The following CCSER1 variants were observed in gnomAD, a reference collection of about 807,000 sequenced individuals.
CCSER1 encodes the protein serine-rich coiled-coil domain-containing protein 1.
Under a neutral mutation model 82.0 loss-of-function variants are expected in CCSER1, and 41 were observed. The observed-to-expected ratio is 0.50, with a 90% CI of 0.39 to 0.65. The LOEUF is 0.65. CCSER1 is among the 30% of genes least tolerant of loss of function. CCSER1 has a pLI of 0.00. For synonymous variants in CCSER1, 414 were observed against 383.9 expected (o/e 1.08, Z -0.92); for missense variants, 1,119 against 1,064.2 (o/e 1.05, Z -0.72).
chr4:90,794,248 C>G (rs1755661313), intron 7 of CCSER1, among the ~76,000 whole-genome samples: 1 of 152,140 alleles, frequency 6.6e-6, no homozygotes, highest in African/African-American at 2.4e-5. Context: ...ATGCCTATGT[C>G]CTGAATGGTA....
chr4:91,571,816 A>C (rs1763199249), intron 10 of CCSER1, among the ~76,000 whole-genome samples: 1 of 152,252 alleles, frequency 6.6e-6, no homozygotes, highest in African/African-American at 2.4e-5. Context: ...TTGTGGGCCC[A>C]GGCCAGAGGT....
intron 10 of CCSER1, among the ~76,000 whole-genome samples, chr4:91,353,875 AC>A (rs1434728377): frequency 1.3e-5 from 2 of 152,146 alleles, no homozygotes; most frequent in Non-Finnish European, 2.9e-5. Flanking sequence ...AAACATGGCT[AC>A]AGGATTGCAT....
intron 10 of CCSER1, among the ~76,000 whole-genome samples, chr4:91,488,807 G>T (rs1758357344): frequency 6.6e-6 from 1 of 152,274 alleles, no homozygotes; most frequent in Admixed American, 6.5e-5. Flanking sequence ...AGCAGTGCTA[G>T]AATGAACTAA....
chr4:91,330,230 T>G (rs1440009129), intron 10 of CCSER1, among the ~76,000 whole-genome samples: 1 of 152,196 alleles, frequency 6.6e-6, no homozygotes, highest in Non-Finnish European at 1.5e-5. Flanking sequence ...TACATTTAAT[T>G]TTTTCTCTTA....
chr4:90,329,215 A>C (rs1196884560), intron 3 of CCSER1, among the ~76,000 whole-genome samples: 2 of 152,154 alleles, frequency 1.3e-5, no homozygotes, highest in Non-Finnish European at 2.9e-5. Flanking sequence ...AATCAAGTAC[A>C]TGGTATGATG....
At chr4:90,367,157 C>A (rs532367245) in intron 3 of CCSER1, among the ~76,000 whole-genome samples, 1 of 151,520 alleles carries the variant, frequency 6.6e-6, no homozygotes, top group Admixed American at 6.6e-5. Flanking sequence ...AGACAAGAGA[C>A]GGTAACAAAG....
intron 10 of CCSER1, among the ~76,000 whole-genome samples, chr4:91,286,309 C>T (rs1043855969): frequency 4.0e-5 from 6 of 151,720 alleles, no homozygotes; most frequent in African/African-American, 4.8e-5. Context: ...AATTTATCAA[C>T]GTTAAATTGG....
intron 7 of CCSER1, among the ~76,000 whole-genome samples, chr4:90,794,129 G>A (rs1755648421): frequency 6.6e-6 from 1 of 152,110 alleles, no homozygotes; most frequent in Non-Finnish European, 1.5e-5. Flanking sequence ...TTACTCTGTT[G>A]ATACTTTCTT....
chr4:90,259,918 G>A (rs976097320), intron 1 of CCSER1, among the ~76,000 whole-genome samples: 3 of 152,082 alleles, frequency 2.0e-5, no homozygotes, highest in African/African-American at 7.2e-5. Context: ...ATATTGGTCT[G>A]TAGTTTTCTC....
At chr4:90,830,185 T>C (rs1760958283) in intron 8 of CCSER1, among the ~76,000 whole-genome samples, 1 of 152,148 alleles carries the variant, frequency 6.6e-6, no homozygotes, top group Non-Finnish European at 1.5e-5. Flanking sequence ...CAGCATAAAA[T>C]GTTGAGAAGT....
chr4:91,549,851 C>T (rs1762076366), intron 10 of CCSER1, among the ~76,000 whole-genome samples: 1 of 151,974 alleles, frequency 6.6e-6, no homozygotes, highest in South Asian at 2.1e-4. Context: ...ATAAATGAGC[C>T]TTAGTCCTTC....
chr4:91,146,937 A>G (rs938340627), intron 10 of CCSER1, among the ~76,000 whole-genome samples: 5 of 152,206 alleles, frequency 3.3e-5, no homozygotes, highest in Admixed American at 3.3e-4. Flanking sequence ...GGACTCCTTC[A>G]CCAAGTCTGT....
intron 10 of CCSER1, among the ~76,000 whole-genome samples, chr4:91,519,169 T>C (rs1760310989): frequency 6.6e-6 from 1 of 152,130 alleles, no homozygotes. Context: ...AATGAGGAGA[T>C]GTAAGGACAG....
intron 10 of CCSER1, among the ~76,000 whole-genome samples, chr4:91,453,964 G>A (rs901829684): frequency 2.0e-5 from 3 of 151,986 alleles, no homozygotes; most frequent in African/African-American, 4.8e-5. Context: ...TGTTTACAGT[G>A]TCTCACAGAT....
At chr4:90,996,263 T>C (rs1416891471) in intron 9 of CCSER1, among the ~76,000 whole-genome samples, 1 of 152,230 alleles carries the variant, frequency 6.6e-6, no homozygotes, top group East Asian at 1.9e-4. Flanking sequence ...GGTATTTTAA[T>C]AAGGCAATCT....
chr4:90,607,597 G>A (rs1191517598), intron 5 of CCSER1, among the ~76,000 whole-genome samples: 1 of 152,052 alleles, frequency 6.6e-6, no homozygotes, highest in African/African-American at 2.4e-5. Context: ...TGTGTTTTGT[G>A]TTTATCCAAA....
At chr4:90,350,283 G>A (rs936802124) in intron 3 of CCSER1, among the ~76,000 whole-genome samples, 1 of 152,110 alleles carries the variant, frequency 6.6e-6, no homozygotes, top group African/African-American at 2.4e-5. Flanking sequence ...CAGATTATTT[G>A]CGAGTGTTAT....
chr4:91,402,199 T>C (rs936043707), intron 10 of CCSER1, among the ~76,000 whole-genome samples: 1 of 152,230 alleles, frequency 6.6e-6, no homozygotes, highest in Non-Finnish European at 1.5e-5. Flanking sequence ...TGTCTTCTTT[T>C]GAGAAGTGTC....
At chr4:90,599,800 A>G (rs1244168621) in intron 5 of CCSER1, among the ~76,000 whole-genome samples, 1 of 152,166 alleles carries the variant, frequency 6.6e-6, no homozygotes, top group Non-Finnish European at 1.5e-5. Context: ...GATAAGTGTT[A>G]GGCACACCTC....
Sources: allele counts gnomAD v4.1 joint callset (sites outside exome capture counted in the v4.1 genomes callset), GRCh38; gene constraint gnomAD v4.1.1; transcripts MANE v1.5; gene names NCBI Gene and HGNC (gene_info 2026-07-23, HGNC 2026-07-21).